The following MTCH2 variants were observed in gnomAD, a reference collection of about 807,000 sequenced individuals.
The protein encoded by MTCH2 is mitochondrial carrier 2.
In MTCH2, 25 loss-of-function variants were observed where a neutral mutation model predicts 50.6. That is an observed-to-expected ratio of 0.49 (90% CI 0.36 to 0.69). The LOEUF (loss-of-function observed/expected upper bound fraction) is 0.69, where lower values mean the gene tolerates loss of function less well. MTCH2 is among the 30% of genes least tolerant of loss of function. MTCH2 has a pLI of 0.00. For synonymous variants in MTCH2, 106 were observed against 132.0 expected (o/e 0.80, Z 1.35); for missense variants, 273 against 384.4 (o/e 0.71, Z 2.42).
the MTCH2 span, among the ~76,000 whole-genome samples, chr11:47,609,457 CAAAAAAA>C: frequency 1.2e-4 from 5 of 40,138 alleles, no homozygotes; most frequent in South Asian, 2.6e-3. Context: ...GATTCTGTAT[CAAAAAAA>C]AAAAAAAAAA....
intron 5 of MTCH2, 150 bp from the exon 6 acceptor site, chr11:47,631,861 G>A: frequency 1.5e-6 from 1 of 668,414 alleles, no homozygotes; most frequent in Non-Finnish European, 2.6e-6. Flanking sequence ...AGTTTGAATG[G>A]GATGTGAAAG....
chr11:47,625,929 G>A (rs1211969420), intron 10 of MTCH2, among the ~76,000 whole-genome samples, 188 bp from the exon 11 acceptor site: 1 of 152,070 alleles, frequency 6.6e-6, no homozygotes, highest in African/African-American at 2.4e-5. Context: ...GCACACCACT[G>A]CATCCAACAT....
chr11:47,636,795 T>C (rs2097309020), intron 3 of MTCH2, among the ~76,000 whole-genome samples: 1 of 151,978 alleles, frequency 6.6e-6, no homozygotes, highest in African/African-American at 2.4e-5. Flanking sequence ...CTCACGCCTG[T>C]AATCCCAACA....
At chr11:47,641,554 C>T (rs766828164) in intron 1 of MTCH2, among the ~76,000 whole-genome samples, 3 of 152,130 alleles carry the variant, frequency 2.0e-5, no homozygotes, top group Non-Finnish European at 4.4e-5. Flanking sequence ...GAATGACCTG[C>T]CCATTACAGG....
intron 10 of MTCH2, among the ~76,000 whole-genome samples, chr11:47,626,160 C>T (rs2097297978): frequency 6.6e-6 from 1 of 152,022 alleles, no homozygotes; most frequent in African/African-American, 2.4e-5. Context: ...GATTCTCCTG[C>T]CTCAGCCTCC....
At chr11:47,630,403 GA>G (rs1197606704) in intron 8 of MTCH2, 151 bp downstream of exon 8, 47 of 657,170 alleles carry the variant, frequency 7.2e-5, no homozygotes, top group South Asian at 1.4e-4. Context: ...AGAGAAAAAA[GA>G]AAAAAAAATA....
chr11:47,631,127 G>A (rs1400511143), intron 6 of MTCH2, 40 bp from the exon 7 acceptor site: 2 of 1,559,866 alleles, frequency 1.3e-6, no homozygotes, highest in African/African-American at 1.4e-5. Flanking sequence ...ACTATGTTAA[G>A]GCCAGGTGCG....
At chr11:47,629,140 C>A in intron 8 of MTCH2, 94 bp from the exon 9 acceptor site, 1 of 1,061,210 alleles carries the variant, frequency 9.4e-7, no homozygotes, top group South Asian at 1.4e-5. Flanking sequence ...AATTAGAGGT[C>A]ACAAAACATT....
chr11:47,619,508 T>A (rs1220239502), intron 12 of MTCH2, among the ~76,000 whole-genome samples: 1 of 152,160 alleles, frequency 6.6e-6, no homozygotes, highest in African/African-American at 2.4e-5. Flanking sequence ...GTGCAGGGAT[T>A]ACGGGTGTGA....
downstream of MTCH2, among the ~76,000 whole-genome samples, chr11:47,616,039 A>T (rs1598827801): frequency 6.7e-6 from 1 of 148,340 alleles, no homozygotes; most frequent in Non-Finnish European, 1.5e-5. Flanking sequence ...GCTTACCGCA[A>T]CCTCCGCTTC....
chr11:47,641,535 T>TA (rs955604150), intron 1 of MTCH2, among the ~76,000 whole-genome samples: 7 of 151,780 alleles, frequency 4.6e-5, no homozygotes, highest in Non-Finnish European at 7.4e-5. Context: ...AGTAAAAGCA[T>TA]AAAAAAAAGA....
chr11:47,623,720 A>G lies in MTCH2; in HGVS notation c.750-944T>C, dbSNP rs145575706. 1.9e-3 allele frequency among the ~76,000 whole-genome samples: 289 copies of G among 152,318 alleles called. 1 individual carries two copies. Among genetic ancestry groups the G allele is most frequent in the Middle Eastern group, 0.014 (4 of 294 alleles). On this transcript the variant is annotated intron_variant, in intron 11 of 12. Coordinates refer to ENST00000302503, the MANE Select transcript of MTCH2 (RefSeq NM_014342.4). ...TGAAAACAGTAACATGTTTAATGAT[A>G]TGTCAGGTACCATATGGGAAAAGAA...
At chr11:47,633,976 G>T (rs2097306132) in intron 5 of MTCH2, among the ~76,000 whole-genome samples, 1 of 152,132 alleles carries the variant, frequency 6.6e-6, no homozygotes, top group African/African-American at 2.4e-5. Flanking sequence ...CAGCATATGG[G>T]GGTGGGAAAT....
intron 3 of MTCH2, among the ~76,000 whole-genome samples, chr11:47,637,634 A>G (rs1297159445): frequency 6.6e-6 from 1 of 152,088 alleles, no homozygotes; most frequent in Non-Finnish European, 1.5e-5. Flanking sequence ...ATCAATTGAG[A>G]GCTCCTTCTT....
Position 47,631,201 on chromosome 11 carries a change from G to C in MTCH2, c.428-114C>G, listed in dbSNP as rs912175772. The C allele has an allele frequency of 1.0e-5, 8 of 779,370 alleles. No homozygotes were observed. The Admixed American group carries it at 1.6e-4, about 16-fold the overall frequency. 48.3% of individuals were successfully genotyped at this position (779,370 alleles called of 1,614,324 possible). A position where few individuals can be genotyped will look rare whatever the true frequency, so the allele number is the denominator to read the frequency against. ...AGGTGGGCGGATCACCTGAGGTCAG[G>C]AGTTCAAGACTAGCCTGACCAATAT... On this transcript the variant is annotated intron_variant, in intron 6 of 12. Transcript: ENST00000302503.
rs139667058 is a variant in MTCH2 at position 47,628,992 on chromosome 11, T to G, written c.594A>C (p.Ser198=). The G allele has an allele frequency of 6.2e-7, 1 of 1,613,850 alleles. No homozygotes were observed. The highest frequency in any genetic ancestry group is 8.5e-7 in the Non-Finnish European group (1 of 1,179,994). ...CATAGGTATTGACGAGGTAGGCCAG[T>G]GAGTTACACAGCCACAAAGAAAGGA... ...GDILSLWLCN[S]LAYLVNTYAL... The change falls in exon 9 of 13, where the codon TCA becomes TCC. Residue 198 remains serine, a synonymous_variant. Transcript: ENST00000302503.
Position 47,633,114 on chromosome 11 carries a change from C to CTT in MTCH2, c.370-1405_370-1404dup, listed in dbSNP as rs11394531. On this transcript the variant is annotated intron_variant, in intron 5 of 12. Coordinates refer to ENST00000302503, the MANE Select transcript of MTCH2 (RefSeq NM_014342.4). ...TTGCATAGTAATACATGTATCCCTG[C>CTT]TTTTTTTTTTTTTTTGAGAGGGAGT... Among the ~76,000 whole-genome samples the CTT allele has an allele frequency of 7.2e-3, 962 of 134,478 alleles. 14 individuals are homozygous for CTT. The highest frequency in any genetic ancestry group is 0.017 in the African/African-American group (624 of 36,008). 88.2% of individuals were successfully genotyped at this position (134,478 alleles called of 152,430 possible).
At chr11:47,616,061 C>T (rs1427519437), downstream of MTCH2, among the ~76,000 whole-genome samples, 2 of 152,252 alleles carry the variant, frequency 1.3e-5, no homozygotes, top group African/African-American at 4.8e-5. Flanking sequence ...TGGGTTCAAG[C>T]GATTCTCATG....
Position 47,629,993 on chromosome 11 carries a change from C to T in MTCH2, c.539+562G>A, listed in dbSNP as rs2097301559. ...CAAGGGTAGAAACTTGGAATTAAGT[C>T]CTTTGTTAAAAAAAGAAATTCCTTA... is the stretch of plus-strand genomic sequence containing the variant. On this transcript the variant is annotated intron_variant, in intron 8 of 12. Coordinates refer to ENST00000302503, the MANE Select transcript of MTCH2 (RefSeq NM_014342.4). Among the ~76,000 whole-genome samples, 7 of 151,974 alleles carry T rather than the reference C, an allele frequency of 4.6e-5. No individual in the cohort carries two copies. The South Asian group carries it at 1.5e-3, about 32-fold the overall frequency.
Sources: gnomAD v4.1 joint callset for allele counts (sites outside exome capture counted in the v4.1 genomes callset) on GRCh38, gnomAD v4.1.1 for gene constraint, MANE v1.5 for transcripts, NCBI Gene and HGNC (gene_info 2026-07-23, HGNC 2026-07-21) for gene names.